The following CUL2 variants were observed in gnomAD, a reference collection of about 807,000 sequenced individuals.
The protein encoded by CUL2 is cullin 2.
Under a neutral mutation model 110.2 loss-of-function variants are expected in CUL2, and 22 were observed. The observed-to-expected ratio is 0.20, with a 90% CI of 0.14 to 0.28. The LOEUF (loss-of-function observed/expected upper bound fraction) is 0.28. Among genes scored for constraint, CUL2 ranks in the 10% least tolerant of loss-of-function variants. The probability of loss-of-function intolerance (pLI) is 1.00; values close to 1 mark genes in which losing one functional copy is unlikely to be tolerated. For synonymous variants in CUL2, 279 were observed against 293.2 expected (o/e 0.95, Z 0.49); for missense variants, 631 against 905.5 (o/e 0.70, Z 3.89).
intron 2 of CUL2, among the ~76,000 whole-genome samples, chr10:35,098,998 G>A (rs763769679): frequency 2.0e-5 from 3 of 152,100 alleles, no homozygotes; most frequent in Admixed American, 6.6e-5. Flanking sequence ...CAAAGAAAGC[G>A]AACAAGTCAA....
At chr10:35,017,887 A>G (rs1022429751) in intron 17 of CUL2, among the ~76,000 whole-genome samples, 36 of 151,794 alleles carry the variant, frequency 2.4e-4, no homozygotes, top group Admixed American at 6.6e-4. Flanking sequence ...AAAAAAAAAA[A>G]AAAGAAAAGA....
intron 1 of CUL2, among the ~76,000 whole-genome samples, chr10:35,109,308 T>C (rs4934725): frequency 0.29 from 44,595 of 152,066 alleles, 7,071 homozygotes; most frequent in South Asian, 0.35. Context: ...AATTATACAT[T>C]TATGCATCCA....
At chr10:35,107,171 T>TCACTGTG (rs202239751) in intron 1 of CUL2, among the ~76,000 whole-genome samples, 2,239 of 152,126 alleles carry the variant, frequency 0.015, 53 homozygotes, top group African/African-American at 0.051. Context: ...AGACGGGGTT[T>TCACTGTG]CACTGTGTTA....
chr10:35,093,978 TAATC>T (rs1174961697), upstream of CUL2, among the ~76,000 whole-genome samples: 2 of 152,214 alleles, frequency 1.3e-5, no homozygotes, highest in East Asian at 3.9e-4. Context: ...TTTTTAAAAT[TAATC>T]AGTAATTTAA....
chr10:35,017,648 A>G (rs4934699), intron 17 of CUL2, among the ~76,000 whole-genome samples: 44,105 of 151,122 alleles, frequency 0.29, 6,959 homozygotes, highest in Non-Finnish European at 0.35. Context: ...AGCCAAGATC[A>G]CACCACTGCA....
chr10:35,061,034 TG>T, intron 3 of CUL2, 66 bp from the exon 4 acceptor site: 1 of 1,474,896 alleles, frequency 6.8e-7, no homozygotes, highest in Non-Finnish European at 9.2e-7. Flanking sequence ...AACAATAAAA[TG>T]TATCAAAATT....
chr10:35,082,991 C>A (rs1016376266), intron 1 of CUL2, among the ~76,000 whole-genome samples: 1 of 151,956 alleles, frequency 6.6e-6, no homozygotes, highest in African/African-American at 2.4e-5. Context: ...AACCCCATCT[C>A]TACTAAAAAT....
At position 35,032,442 on chromosome 10, in the gene CUL2, G is replaced by C; in HGVS notation, c.1163C>G (p.Pro388Arg). Residue 388 changes from proline to arginine, a missense_variant, in exon 12 of 21, where the codon CCT becomes CGT. Transcript: ENST00000374749. Reference sequence around the variant, plus strand: ...AGCAACCACCAAACTTACCAGTTCAGGTGCTTTGCAAACAGACTTAGGTTC... The same window carrying C: ...AGCAACCACCAAACTTACCAGTTCACGTGCTTTGCAAACAGACTTAGGTTC... ...YREPKSVCKA[P>R]ELLAKYCDNL... The C allele has an allele frequency of 6.3e-7, 1 of 1,592,988 alleles. No individual in the cohort carries two copies. The highest frequency in any genetic ancestry group is 8.5e-7 in the Non-Finnish European group (1 of 1,173,398).
intron 16 of CUL2, among the ~76,000 whole-genome samples, 163 bp from the exon 17 acceptor site, chr10:35,025,361 TG>T (rs1318348084): frequency 1.3e-5 from 2 of 152,222 alleles, no homozygotes; most frequent in African/African-American, 4.8e-5. Flanking sequence ...CACGTTCCTG[TG>T]GTCCCTAATC....
rs763201420 is a variant in CUL2 at position 35,016,309 on chromosome 10, G to A, written c.1770C>T (p.Asn590=). 1.1e-5 allele frequency: 17 copies of A among 1,613,818 alleles called. No homozygotes were observed. The highest frequency in any genetic ancestry group is 1.4e-5 in the Non-Finnish European group (16 of 1,179,912). The change falls in exon 18 of 21, where the codon AAC becomes AAT. Residue 590 remains asparagine (N), a synonymous_variant. Transcript: ENST00000374749. ...GCTCTTTATAACTGACAGTTTCACT[G>A]TTGTTAAAGGCAAGAAGAACTGCCA... is the stretch of plus-strand genomic sequence containing the variant. The part of the protein sequence containing the change: ...YQMAVLLAFN[N]SETVSYKELQ...
chr10:35,028,074 C>G (rs1273358718), intron 16 of CUL2, among the ~76,000 whole-genome samples: 1 of 152,208 alleles, frequency 6.6e-6, no homozygotes, highest in Non-Finnish European at 1.5e-5. Flanking sequence ...GGCATGGTGG[C>G]TCATGCCTGA....
intron 18 of CUL2, among the ~76,000 whole-genome samples, chr10:35,014,435 A>G (rs2084977218): frequency 6.6e-6 from 1 of 152,248 alleles, no homozygotes; most frequent in Non-Finnish European, 1.5e-5. Context: ...CACTGATATC[A>G]TAGAGTGGAA....
chr10:35,100,755 C>CAAAAAAAA, intron 2 of CUL2: 1 of 44,476 alleles, frequency 2.2e-5, no homozygotes, highest in Non-Finnish European at 4.4e-5. Context: ...GAGTCCATCT[C>CAAAAAAAA]AAAAAAAAAA....
intron 1 of CUL2, among the ~76,000 whole-genome samples, chr10:35,109,111 G>C (rs897897179): frequency 6.6e-6 from 1 of 152,146 alleles, no homozygotes; most frequent in Non-Finnish European, 1.5e-5. Context: ...TACTTGGGAG[G>C]CTGAGGTAAG....
At position 35,030,682 on chromosome 10, in the gene CUL2, C is replaced by G. The variant is rs74343938; in HGVS notation, c.1386+618G>C. Among the ~76,000 whole-genome samples, 97 of 152,236 alleles carry G rather than the reference C, an allele frequency of 6.4e-4. No homozygotes were observed. In the East Asian group the frequency reaches 0.016, roughly 26 times the overall value. On this transcript the variant is annotated intron_variant, in intron 14 of 20. Coordinates refer to ENST00000374749, the MANE Select transcript of CUL2 (RefSeq NM_003591.4). ...ATAGGCATGAACCACCACACCTGGC[C>G]AACACTACTTTTAGAAATTAAAAAT...
intron 18 of CUL2, among the ~76,000 whole-genome samples, chr10:35,015,410 TTA>T (rs2085001245): frequency 6.6e-6 from 1 of 152,190 alleles, no homozygotes; most frequent in Non-Finnish European, 1.5e-5. Context: ...AGTTGTTCAG[TTA>T]TAGACTATAA....
intron 1 of CUL2, among the ~76,000 whole-genome samples, chr10:35,077,500 AAAT>A (rs2086849111): frequency 6.6e-6 from 1 of 151,900 alleles, no homozygotes; most frequent in Non-Finnish European, 1.5e-5. Flanking sequence ...CCGTCTCAAA[AAAT>A]AATAATAATA....
At chr10:35,083,594 A>G (rs1164732444) in intron 1 of CUL2, among the ~76,000 whole-genome samples, 3 of 152,226 alleles carry the variant, frequency 2.0e-5, no homozygotes, top group African/African-American at 7.2e-5. Flanking sequence ...AGAAAATAGA[A>G]GGTGCTTTCC....
chr10:35,056,375 C>T (rs965728675), intron 4 of CUL2, among the ~76,000 whole-genome samples: 1 of 152,182 alleles, frequency 6.6e-6, no homozygotes, highest in Non-Finnish European at 1.5e-5. Context: ...TTGAGATCAC[C>T]TGTCAGACAC....
Sources: allele counts gnomAD v4.1 joint callset (sites outside exome capture counted in the v4.1 genomes callset), GRCh38; gene constraint gnomAD v4.1.1; transcripts MANE v1.5; gene names NCBI Gene and HGNC (gene_info 2026-07-23, HGNC 2026-07-21).